The following XRCC4 variants were observed in gnomAD, a reference collection of about 807,000 sequenced individuals.
XRCC4 encodes the protein DNA repair protein XRCC4.
Under a neutral mutation model 39.1 loss-of-function variants are expected in XRCC4, and 28 were observed. The observed-to-expected ratio is 0.72, with a 90% CI of 0.53 to 0.98. The LOEUF is 0.98. Among genes scored for constraint, XRCC4 ranks in the 50% least tolerant of loss-of-function variants. The pLI, the probability that XRCC4 is intolerant of heterozygous loss-of-function variation, is 0.00. For synonymous variants in XRCC4, 123 were observed against 126.4 expected (o/e 0.97, Z 0.18); for missense variants, 350 against 376.4 (o/e 0.93, Z 0.58).
At chr5:83,206,891 G>C (rs917933044) in intron 6 of XRCC4, among the ~76,000 whole-genome samples, 2 of 151,962 alleles carry the variant, frequency 1.3e-5, no homozygotes, top group Non-Finnish European at 2.9e-5. Context: ...AACAGATGAA[G>C]GCACAGGAAA....
chr5:83,091,806 A>G (rs1308277283), intron 1 of XRCC4, among the ~76,000 whole-genome samples: 1 of 152,182 alleles, frequency 6.6e-6, no homozygotes, highest in African/African-American at 2.4e-5. Context: ...GCTATTGTCT[A>G]GTGCTGCAGT....
chr5:83,276,504 TGAA>T (rs773303421), intron 7 of XRCC4, among the ~76,000 whole-genome samples: 6 of 139,302 alleles, frequency 4.3e-5, no homozygotes, highest in African/African-American at 1.0e-4. Flanking sequence ...TGGCTTTATA[TGAA>T]GAAGAAGTGG....
intron 6 of XRCC4, among the ~76,000 whole-genome samples, chr5:83,241,199 T>C (rs1752894654): frequency 6.9e-6 from 1 of 144,206 alleles, no homozygotes; most frequent in South Asian, 2.1e-4. Context: ...GCCCAGATCA[T>C]GCCAATGCAC....
At chr5:83,183,412 TTGTGTGTGTGTGTGTGTGTGTGTG>T (rs369446374) in intron 3 of XRCC4, among the ~76,000 whole-genome samples, 2 of 139,336 alleles carry the variant, frequency 1.4e-5, no homozygotes, top group Admixed American at 7.3e-5. Context: ...TTTCATTTAT[TTGTGTGTGTGTGTGTGTGTGTGTG>T]TGTGTGTGTG....
the XRCC4 span, among the ~76,000 whole-genome samples, chr5:83,367,456 G>A: frequency 6.6e-6 from 1 of 152,128 alleles, no homozygotes; most frequent in Non-Finnish European, 1.5e-5. Flanking sequence ...ATCGTTTACT[G>A]TGTCAGCCAG....
chr5:83,266,146 G>A (rs1753946271), intron 7 of XRCC4, among the ~76,000 whole-genome samples: 1 of 151,692 alleles, frequency 6.6e-6, no homozygotes, highest in Admixed American at 6.6e-5. Flanking sequence ...ATAGAATAAT[G>A]TGTAAATATT....
intron 7 of XRCC4, among the ~76,000 whole-genome samples, chr5:83,348,310 C>T (rs529590284): frequency 6.6e-6 from 1 of 152,192 alleles, no homozygotes; most frequent in Admixed American, 6.5e-5. Flanking sequence ...AGGACTCTAC[C>T]CCTGCAGCAG....
chr5:83,200,519 T>C (rs1322105545), intron 4 of XRCC4, among the ~76,000 whole-genome samples: 1 of 152,048 alleles, frequency 6.6e-6, no homozygotes, highest in Non-Finnish European at 1.5e-5. Context: ...TTATATGATA[T>C]TTCATTTTCA....
chr5:83,293,952 T>G (rs1755010279), intron 7 of XRCC4, among the ~76,000 whole-genome samples: 1 of 152,044 alleles, frequency 6.6e-6, no homozygotes, highest in Admixed American at 6.6e-5. Context: ...ATTTTAAAAA[T>G]TGTAGATACC....
intron 3 of XRCC4, among the ~76,000 whole-genome samples, chr5:83,137,719 G>C (rs773308992): frequency 5.3e-5 from 8 of 152,108 alleles, no homozygotes; most frequent in Non-Finnish European, 8.8e-5. Context: ...GGCCTTAGGA[G>C]GTGGTTGTAA....
At chr5:83,349,625 T>A (rs1757020900) in intron 7 of XRCC4, among the ~76,000 whole-genome samples, 1 of 152,208 alleles carries the variant, frequency 6.6e-6, no homozygotes, top group Non-Finnish European at 1.5e-5. Context: ...TATCCTTCAG[T>A]CTGGTCACTT....
intron 7 of XRCC4, among the ~76,000 whole-genome samples, chr5:83,300,731 GC>G (rs1233621184): frequency 6.7e-6 from 1 of 150,362 alleles, no homozygotes; most frequent in African/African-American, 2.4e-5. Context: ...CCCTCCTCTT[GC>G]CCCCCACCCC....
chr5:83,249,131 C>T (rs1431261874), intron 6 of XRCC4, among the ~76,000 whole-genome samples: 2 of 152,022 alleles, frequency 1.3e-5, no homozygotes, highest in Non-Finnish European at 2.9e-5. Flanking sequence ...TTTTTCCCCA[C>T]CTAATTTTAT....
chr5:83,128,971 T>G (rs1747416625), intron 3 of XRCC4, among the ~76,000 whole-genome samples: 1 of 152,174 alleles, frequency 6.6e-6, no homozygotes, highest in Non-Finnish European at 1.5e-5. Flanking sequence ...CAGAAGCTCC[T>G]TAGTTTAATT....
At chr5:83,310,503 C>T (rs1755669722) in intron 7 of XRCC4, among the ~76,000 whole-genome samples, 1 of 152,208 alleles carries the variant, frequency 6.6e-6, no homozygotes, top group Non-Finnish European at 1.5e-5. Context: ...ATTCTGTGTA[C>T]CTTTCTGCGG....
chr5:83,167,356 G>A (rs1343387884), intron 3 of XRCC4, among the ~76,000 whole-genome samples: 1 of 152,110 alleles, frequency 6.6e-6, no homozygotes, highest in Non-Finnish European at 1.5e-5. Context: ...TGAAAGTAAT[G>A]TGAGTGATCA....
At chr5:83,251,788 G>T (rs1753328804) in intron 6 of XRCC4, among the ~76,000 whole-genome samples, 1 of 152,054 alleles carries the variant, frequency 6.6e-6, no homozygotes, top group Admixed American at 6.6e-5. Flanking sequence ...CTGACATTTG[G>T]GAAAGTTATG....
chr5:83,373,047 G>A, the XRCC4 span, among the ~76,000 whole-genome samples: 3 of 152,080 alleles, frequency 2.0e-5, no homozygotes, highest in African/African-American at 7.2e-5. Context: ...GATTCTGAGT[G>A]GAGTTTCTCT....
chr5:83,140,420 C>CT (rs1415235322), intron 3 of XRCC4, among the ~76,000 whole-genome samples: 1 of 152,130 alleles, frequency 6.6e-6, no homozygotes, highest in Non-Finnish European at 1.5e-5. Flanking sequence ...CAGCAAGCAG[C>CT]TTATCCCACC....
Sources: allele counts gnomAD v4.1 joint callset (sites outside exome capture counted in the v4.1 genomes callset), GRCh38; gene constraint gnomAD v4.1.1; transcripts MANE v1.5; gene names NCBI Gene and HGNC (gene_info 2026-07-23, HGNC 2026-07-21).